The following DENND2C variants were observed in gnomAD, a reference collection of about 807,000 sequenced individuals.
The protein encoded by DENND2C is DENN domain containing 2C.
In DENND2C, 72 loss-of-function variants were observed where a neutral mutation model predicts 112.4. The observed-to-expected ratio is 0.64, with a 90% CI of 0.53 to 0.78. The LOEUF is 0.78. Among genes scored for constraint, DENND2C ranks in the 30% least tolerant of loss-of-function variants. DENND2C has a pLI of 0.00. For synonymous variants in DENND2C, 329 were observed against 381.6 expected (o/e 0.86, Z 1.61); for missense variants, 992 against 1,113.8 (o/e 0.89, Z 1.56).
At chr1:114,635,269 T>C (rs1656623332) in intron 3 of DENND2C, among the ~76,000 whole-genome samples, 2 of 152,028 alleles carry the variant, frequency 1.3e-5, no homozygotes, top group Admixed American at 1.3e-4. Context: ...AAAAGATCAA[T>C]ATTTAAAGTT....
At chr1:114,608,279 A>AG (rs760020163) in intron 10 of DENND2C, among the ~76,000 whole-genome samples, 2 of 152,144 alleles carry the variant, frequency 1.3e-5, no homozygotes, top group Non-Finnish European at 2.9e-5. Context: ...AAAAAAAAAA[A>AG]GAAAGAAAAA....
In DENND2C at chr1:114,583,379, TTC is replaced by T. The variant is rs1654951040; in HGVS notation, c.*2219_*2220del. 6.6e-6 allele frequency: 1 copy of T among 152,330 alleles called. No individual in the cohort carries two copies. Among genetic ancestry groups the T allele is most frequent in the African/African-American group, 2.4e-5 (1 of 41,572 alleles). 9.4% of individuals were successfully genotyped at this position (152,330 alleles called of 1,614,324 possible). On this transcript the variant is annotated 3_prime_UTR_variant, in exon 21 of 21. Coordinates refer to ENST00000393274, the MANE Select transcript of DENND2C (RefSeq NM_001256404.2). ...AGTTTTGTAAGGTTGAATAAATACT[TTC>T]TGTGCCAGTTAAAACCATCAGCAGA...
chr1:114,594,819 T>G (rs367896334), intron 17 of DENND2C, among the ~76,000 whole-genome samples: 2 of 152,336 alleles, frequency 1.3e-5, no homozygotes, highest in African/African-American at 4.8e-5. Context: ...CAGATCTCTC[T>G]CATCTACAAG....
rs371362755 is a variant in DENND2C, at chr1:114,625,376, A to G, written c.609T>C (p.Cys203=). The G allele has an allele frequency of 8.1e-6, 13 of 1,614,050 alleles. No homozygotes were observed. Among genetic ancestry groups the G allele is most frequent in the Non-Finnish European group, 1.1e-5 (13 of 1,180,020 alleles). The stretch of plus-strand genomic sequence containing the variant: ...TTGGCAAAGGATTTATGGAAGGTCC[A>G]CATTCTTGCCCCTCAGGTTCAGAGT... The part of the protein sequence containing the change: ...NIYSEPEGQE[C]GPSINPLPKP... The change falls in exon 4 of 21, where the codon TGT becomes TGC. Residue 203 remains cysteine (C), a synonymous_variant. Coordinates refer to ENST00000393274, the MANE Select transcript of DENND2C (RefSeq NM_001256404.2).
At chr1:114,608,637 C>T in intron 10 of DENND2C, 49 bp downstream of exon 10, 2 of 1,581,664 alleles carry the variant, frequency 1.3e-6, no homozygotes, top group East Asian at 2.2e-5. Flanking sequence ...TACATGTACA[C>T]AGAGACACAG....
intron 8 of DENND2C, among the ~76,000 whole-genome samples, chr1:114,614,715 T>C (rs1655907685): frequency 6.6e-6 from 1 of 152,136 alleles, no homozygotes; most frequent in Non-Finnish European, 1.5e-5. Flanking sequence ...GGCTTGGTAA[T>C]AACCTACTTA....
Position 114,585,263 on chromosome 1 carries a change from T to A in DENND2C, c.*337A>T, listed in dbSNP as rs1323460561. On this transcript the variant is annotated 3_prime_UTR_variant, in exon 21 of 21. Transcript: ENST00000393274. ...TTATTCTCATCTTTGAGCTATTTTT[T>A]AAATGTAACAACAACAAGGCTTTTC... 7.1e-6 allele frequency: 2 copies of A among 280,452 alleles called. No homozygotes were observed. Among genetic ancestry groups the A allele is most frequent in the East Asian group, 1.3e-4 (2 of 15,064 alleles). 17.4% of individuals were successfully genotyped at this position (280,452 alleles called of 1,614,324 possible).
chr1:114,610,770 G>C (rs1418226804), intron 9 of DENND2C, among the ~76,000 whole-genome samples: 3 of 151,978 alleles, frequency 2.0e-5, no homozygotes, highest in Admixed American at 2.0e-4. Flanking sequence ...TGGCTGCCAG[G>C]AAACTACTGC....
At chr1:114,602,828 T>G (rs1655550013) in intron 11 of DENND2C, among the ~76,000 whole-genome samples, 1 of 152,080 alleles carries the variant, frequency 6.6e-6, no homozygotes. Context: ...CCTCCCAAAG[T>G]GCTGGGATTA....
chr1:114,662,312 GA>G lies in DENND2C; in HGVS notation c.-573-7552del, dbSNP rs547602072. On this transcript the variant is annotated intron_variant, in intron 1 of 20. Transcript: ENST00000393274. ...TGTTTTTTACTCCAACAGAAAAAAA[GA>G]CAGAGAAAAATGCAAATCCCTTTTA... is the stretch of plus-strand genomic sequence containing the variant. Among the ~76,000 whole-genome samples, 320 of 152,092 alleles carry G rather than the reference GA, an allele frequency of 2.1e-3. 2 individuals are homozygous for G. The highest frequency in any genetic ancestry group is 7.1e-3 in the African/African-American group (296 of 41,508).
Position 114,587,483 on chromosome 1 carries a change from A to G in DENND2C, c.2669-10T>C, listed in dbSNP as rs1655068879. The G allele has an allele frequency of 6.2e-6, 10 of 1,614,124 alleles. No individual in the cohort carries two copies. Among genetic ancestry groups the G allele is most frequent in the East Asian group, 2.2e-5 (1 of 44,882 alleles). On this transcript the variant is annotated splice_polypyrimidine_tract_variant and intron_variant, in intron 19 of 20. Transcript: ENST00000393274. Reference sequence around the variant, plus strand: ...CGGATCTCAAACAAACCTACAAGGAAAAACTCATGTTGGTGAAACTGTGTA... The same window carrying G: ...CGGATCTCAAACAAACCTACAAGGAGAAACTCATGTTGGTGAAACTGTGTA...
At chr1:114,657,681 GA>G (rs1020728296) in intron 1 of DENND2C, among the ~76,000 whole-genome samples, 1 of 152,142 alleles carries the variant, frequency 6.6e-6, no homozygotes, top group African/African-American at 2.4e-5. Context: ...AGTGAATTGA[GA>G]ATTGGATGAG....
At chr1:114,611,687 C>T (rs1284732386) in intron 8 of DENND2C, among the ~76,000 whole-genome samples, 4 of 152,042 alleles carry the variant, frequency 2.6e-5, no homozygotes, top group African/African-American at 9.7e-5. Context: ...ACTATTCTTA[C>T]TTTCCCCAAT....
intron 1 of DENND2C, among the ~76,000 whole-genome samples, chr1:114,661,226 C>A (rs1657484677): frequency 6.6e-6 from 1 of 152,112 alleles, no homozygotes; most frequent in South Asian, 2.1e-4. Flanking sequence ...CTGCACCAGA[C>A]TCTACCCATC....
At chr1:114,637,211 G>T (rs558091771) in intron 3 of DENND2C, among the ~76,000 whole-genome samples, 1 of 150,858 alleles carries the variant, frequency 6.6e-6, no homozygotes, top group Non-Finnish European at 1.5e-5. Flanking sequence ...CAAGTGATCC[G>T]CCTGTCTTAG....
chr1:114,633,451 A>G (rs1425024090), intron 3 of DENND2C, among the ~76,000 whole-genome samples: 2 of 150,318 alleles, frequency 1.3e-5, no homozygotes, highest in African/African-American at 4.9e-5. Context: ...AAAAAAAAAA[A>G]AAAAAAAAAA....
Position 114,608,842 on chromosome 1 carries a change from C to G in DENND2C, c.1401G>C (p.Pro467=). The change falls in exon 10 of 21, where the codon CCG becomes CCC. Residue 467 remains proline, a synonymous_variant. Transcript: ENST00000393274. Reference sequence around the variant, plus strand: ...GGTAGTGAGGATTCCTCTTGGAAGACGGTTGCAGTTGTGCTAAGCGTTTAT... The same window carrying G: ...GGTAGTGAGGATTCCTCTTGGAAGAGGGTTGCAGTTGTGCTAAGCGTTTAT... ...NRHKRLAQLQ[P]SSKRNPHYQT... 6.2e-7 allele frequency: 1 copy of G among 1,614,168 alleles called. No homozygotes were observed. The highest frequency in any genetic ancestry group is 8.5e-7 in the Non-Finnish European group (1 of 1,180,036).
chr1:114,648,602 A>C (rs1657063977), intron 2 of DENND2C, among the ~76,000 whole-genome samples: 1 of 152,228 alleles, frequency 6.6e-6, no homozygotes, highest in Admixed American at 6.5e-5. Context: ...TGCCTCCTAC[A>C]GGGAAAGAGG....
At chr1:114,630,737 C>G (rs556926624) in intron 3 of DENND2C, among the ~76,000 whole-genome samples, 4 of 152,310 alleles carry the variant, frequency 2.6e-5, no homozygotes, top group Admixed American at 2.6e-4. Flanking sequence ...TGGTTGAATA[C>G]TAAGTTGCTA....
Sources: gnomAD v4.1 joint callset for allele counts (sites outside exome capture counted in the v4.1 genomes callset) on GRCh38, gnomAD v4.1.1 for gene constraint, MANE v1.5 for transcripts, NCBI Gene and HGNC (gene_info 2026-07-23, HGNC 2026-07-21) for gene names.